A2M: variants seen among roughly 807,000 people sequenced by gnomAD.
A2M encodes C3 and PZP-like alpha-2-macroglobulin domain-containing protein 5.
In A2M, 128 loss-of-function variants were observed where a neutral mutation model predicts 183.9. The ratio of observed to expected loss-of-function variants is 0.70; its 90% CI spans 0.60 to 0.81. The LOEUF is 0.81. Ranked by LOEUF, A2M falls within the 30% of genes least tolerant of loss-of-function variation. A2M has a pLI of 0.00. For missense variants in A2M, 1,495 were observed against 1,787.6 expected (o/e 0.84, Z 2.95); for synonymous variants, 592 against 670.8 (o/e 0.88, Z 1.81).
intron 7 of A2M, 59 bp downstream of exon 7, chr12:9,109,262 C>T (rs1347673079): frequency 1.4e-6 from 2 of 1,401,472 alleles, no homozygotes; most frequent in African/African-American, 1.4e-5. Context: ...TAAAATATCC[C>T]AAATGGTGAG....
At chr12:9,086,574 T>C (rs751958954) in intron 22 of A2M, among the ~76,000 whole-genome samples, 1 of 152,324 alleles carries the variant, frequency 6.6e-6, no homozygotes, top group African/African-American at 2.4e-5. Flanking sequence ...AGAAAAAGTA[T>C]TTGACAGAAT....
At chr12:9,069,935 A>G in intron 32 of A2M, 122 bp from the exon 33 acceptor site, 2 of 800,942 alleles carry the variant, frequency 2.5e-6, no homozygotes, top group East Asian at 2.5e-5. Context: ...TGCTTTTTGT[A>G]AGGAAATATA....
intron 31 of A2M, among the ~76,000 whole-genome samples, chr12:9,071,187 A>T (rs1948565787): frequency 6.6e-6 from 1 of 152,132 alleles, no homozygotes; most frequent in South Asian, 2.1e-4. Context: ...AATCTATGCC[A>T]GTTATTTTAT....
At chr12:9,109,805 C>A in intron 6 of A2M, 62 bp downstream of exon 6, 1 of 1,476,454 alleles carries the variant, frequency 6.8e-7, no homozygotes, top group Non-Finnish European at 9.1e-7. Context: ...AACTTAAATT[C>A]CAGGACCTAA....
chr12:9,081,249 A>T (rs994999059), intron 22 of A2M, among the ~76,000 whole-genome samples: 1 of 152,232 alleles, frequency 6.6e-6, no homozygotes, highest in African/African-American at 2.4e-5. Context: ...CCTTGTAATT[A>T]AGAAAATATA....
At chr12:9,106,987 T>C (rs1403368948) in intron 8 of A2M, among the ~76,000 whole-genome samples, 1 of 152,212 alleles carries the variant, frequency 6.6e-6, no homozygotes, top group Non-Finnish European at 1.5e-5. Flanking sequence ...CCAACTCAAG[T>C]ATGTATCATT....
intron 22 of A2M, among the ~76,000 whole-genome samples, chr12:9,087,767 G>T (rs930312447): frequency 3.3e-5 from 5 of 151,814 alleles, no homozygotes; most frequent in African/African-American, 1.2e-4. Flanking sequence ...AATTATAAAT[G>T]GTCAGTTTAC....
intron 16 of A2M, among the ~76,000 whole-genome samples, 155 bp from the exon 17 acceptor site, chr12:9,095,239 T>C (rs1949337797): frequency 6.6e-6 from 1 of 152,258 alleles, no homozygotes; most frequent in Non-Finnish European, 1.5e-5. Flanking sequence ...TACTTAAGGA[T>C]GTAATTTTAT....
At chr12:9,115,920 A>T (rs111797190), upstream of A2M, 10 of 1,321,422 alleles carry the variant, frequency 7.6e-6, no homozygotes, top group Non-Finnish European at 1.1e-5. Flanking sequence ...ATCTGGTCCC[A>T]AACACTTCCC....
Position 9,076,861 on chromosome 12 carries a change from G to GGCT in A2M, c.3424_3426dup (p.Ser1142dup). 1 of 1,613,692 alleles carries GGCT rather than the reference G, an allele frequency of 6.2e-7. No homozygotes were observed. The highest frequency in any genetic ancestry group is 8.5e-7 in the Non-Finnish European group (1 of 1,179,846). ...GCCAGCAGTGCTTTGGTATATACAT[G>GGCT]GCTGCCATGGTCCCCTTCTTGTGCT... On this transcript the variant is annotated inframe_insertion, in exon 28 of 36. Coordinates refer to ENST00000318602, the MANE Select transcript of A2M (RefSeq NM_000014.6).
In A2M at chr12:9,101,140, T is replaced by C; in HGVS notation, c.1558+4A>G. ...AGCAATGCAGAGATGATGGAAATAC[T>C]CACTGTCTTCCTGCTTCACAAGCAG... On this transcript the variant is annotated splice_donor_region_variant and intron_variant, in intron 13 of 35. Coordinates refer to ENST00000318602, the MANE Select transcript of A2M (RefSeq NM_000014.6). 3 of 1,558,360 alleles carry C rather than the reference T, an allele frequency of 1.9e-6. No individual in the cohort carries two copies. The highest frequency in any genetic ancestry group is 2.6e-6 in the Non-Finnish European group (3 of 1,150,372).
At chr12:9,102,104 A>C (rs1410109486) in intron 11 of A2M, among the ~76,000 whole-genome samples, 1 of 152,186 alleles carries the variant, frequency 6.6e-6, no homozygotes, top group Non-Finnish European at 1.5e-5. Flanking sequence ...GAATAAATAA[A>C]ATATTGTAAC....
At chr12:9,101,402 A>G in intron 12 of A2M, 45 bp downstream of exon 12, 1 of 1,503,540 alleles carries the variant, frequency 6.7e-7, no homozygotes, top group Non-Finnish European at 9.2e-7. Flanking sequence ...CTCCACAGAG[A>G]GCTTTTGTCT....
rs748795363 is a variant in A2M, at chr12:9,104,362, A to G, written c.1143T>C (p.Asn381=). The G allele has an allele frequency of 6.2e-7, 1 of 1,603,160 alleles. No homozygotes were observed. The highest frequency in any genetic ancestry group is 8.5e-7 in the Non-Finnish European group (1 of 1,174,222). Residue 381 remains asparagine, a synonymous_variant, in exon 11 of 36, where the codon AAT becomes AAC. Transcript: ENST00000318602. ...LVDGKGVPIP[N]KVIFIRGNEA... ...CATTTCCTCTGATGAATATGACTTT[A>G]TTTGGTATAGGGACGCCTTTCCCAT...
chr12:9,068,762 T>C lies in A2M; in HGVS notation c.4344A>G (p.Lys1448=). 6.2e-7 allele frequency: 1 copy of C among 1,607,186 alleles called. No homozygotes were observed. The highest frequency in any genetic ancestry group is 8.5e-7 in the Non-Finnish European group (1 of 1,176,628). ...PVRDLKPAIV[K]VYDYYETDEF... is the part of the protein sequence containing the mutation. The stretch of plus-strand genomic sequence containing the variant: ...CACCCGTCTCGTAGTAATCATAGAC[T>C]TTCACTATGGCTGGTTTCAGATCTC... The change falls in exon 34 of 36, where the codon AAA becomes AAG. Residue 1448 remains lysine (K), a synonymous_variant. Transcript: ENST00000318602.
intron 2 of A2M, 106 bp downstream of exon 2, chr12:9,113,254 T>C (rs1389142944): frequency 1.7e-6 from 2 of 1,190,598 alleles, no homozygotes; most frequent in Non-Finnish European, 2.4e-6. Context: ...TTGGATTCCT[T>C]CCTGCAGTTC....
intron 25 of A2M, 23 bp from the exon 26 acceptor site, chr12:9,077,880 T>C (rs780377466): frequency 1.2e-6 from 2 of 1,613,958 alleles, no homozygotes; most frequent in Non-Finnish European, 1.7e-6. Flanking sequence ...GAAGCAATCA[T>C]GATGTTTATG....
At chr12:9,106,919 A>G (rs947294131) in intron 8 of A2M, among the ~76,000 whole-genome samples, 1 of 152,166 alleles carries the variant, frequency 6.6e-6, no homozygotes, top group African/African-American at 2.4e-5. Context: ...GGTACACGAG[A>G]TATTTTGTTA....
In A2M at chr12:9,076,787, G is replaced by A. The variant is rs1948759420; in HGVS notation, c.3501C>T (p.Leu1167=). Residue 1167 remains leucine, a synonymous_variant, in exon 28 of 36, where the codon CTC becomes CTT. Transcript: ENST00000318602. ...TCACAGCTTCCTCATTAAGTGACTT[G>A]AGTACTTCCTTCCTCTTGTCCTGGT... The part of the protein sequence containing the change: ...AGNQDKRKEV[L]KSLNEEAVKK... 1 of 1,613,916 alleles carries A rather than the reference G, an allele frequency of 6.2e-7. No homozygotes were observed.
Sources: gnomAD v4.1 joint callset for allele counts (sites outside exome capture counted in the v4.1 genomes callset) on GRCh38, gnomAD v4.1.1 for gene constraint, MANE v1.5 for transcripts, NCBI Gene and HGNC (gene_info 2026-07-23, HGNC 2026-07-21) for gene names.